Variants in PTCH2 observed in about 807,000 individuals in gnomAD.
PTCH2 encodes the protein patched 2, also known as protein patched homolog 2.
Under a neutral mutation model 117.9 loss-of-function variants are expected in PTCH2, and 96 were observed. That is an observed-to-expected ratio of 0.81 (90% confidence interval 0.69 to 0.96). The LOEUF is 0.96. PTCH2 is among the 50% of genes least tolerant of loss of function. The pLI is 0.00. For missense variants in PTCH2, 1,379 were observed against 1,562.5 expected (o/e 0.88, Z 1.98); for synonymous variants, 615 against 660.9 (o/e 0.93, Z 1.06).
Position 44,829,763 on chromosome 1 carries a change from T to C in PTCH2, c.936-2A>G. On this transcript the variant is annotated splice_acceptor_variant, in intron 7 of 21. Transcript: ENST00000372192. LOFTEE classifies it high-confidence loss of function. ...AAGGTGCTCTGCAGGGCCTCTGCCC[T>C]GGTGGGGGTGTGGGAGAACCAGGGG... 3 of 1,614,176 alleles carry C rather than the reference T, an allele frequency of 1.9e-6. No individual in the cohort carries two copies. The highest frequency in any genetic ancestry group is 2.5e-6 in the Non-Finnish European group (3 of 1,180,020).
At chr1:44,842,409 A>C (rs1427660768) in intron 1 of PTCH2, among the ~76,000 whole-genome samples, 1 of 150,612 alleles carries the variant, frequency 6.6e-6, no homozygotes, top group Non-Finnish European at 1.5e-5. Flanking sequence ...CCTCCCGAGT[A>C]GTTGGGACTA....
rs913927118 is a variant in PTCH2 at position 44,823,727 on chromosome 1, T to C, written c.3115-342A>G. Among the ~76,000 whole-genome samples the C allele has an allele frequency of 4.6e-5, 7 of 151,612 alleles. No homozygotes were observed. The highest frequency in any genetic ancestry group is 8.8e-5 in the Non-Finnish European group (6 of 67,962). ...GCTGAGGTGGGTGGATCACCTGAGG[T>C]TGGGAGTTCCAGACCAGCCTGGGAA... On this transcript the variant is annotated intron_variant, in intron 19 of 21. Transcript: ENST00000372192. This position sits in a 1 kb window ranked among gnomAD's most constrained non-coding sequence, Gnocchi z 5.1.
chr1:44,829,784 A>G (rs1653348777), intron 7 of PTCH2, 23 bp from the exon 8 acceptor site: 2 of 1,614,136 alleles, frequency 1.2e-6, no homozygotes, highest in African/African-American at 2.7e-5. Flanking sequence ...TGGGAGAACC[A>G]GGGGTCAGAG....
chr1:44,835,782 C>G (rs192351864), intron 2 of PTCH2, among the ~76,000 whole-genome samples: 2 of 152,076 alleles, frequency 1.3e-5, no homozygotes, highest in African/African-American at 2.4e-5. Flanking sequence ...GAGGTGCCCA[C>G]GAGAAGAAGT....
downstream of PTCH2, among the ~76,000 whole-genome samples, chr1:44,821,224 A>G (rs1022648175): frequency 3.3e-5 from 5 of 152,126 alleles, no homozygotes; most frequent in Non-Finnish European, 5.9e-5. Context: ...TCTGTGCTCT[A>G]TTCCAGGGCT....
intron 2 of PTCH2, among the ~76,000 whole-genome samples, chr1:44,836,598 A>G (rs1653697979): frequency 2.0e-5 from 3 of 151,962 alleles, no homozygotes; most frequent in Admixed American, 2.0e-4. Flanking sequence ...CCAGCTACTG[A>G]GGAGGCTGAG....
chr1:44,827,907 C>T lies in PTCH2; in HGVS notation c.1994G>A (p.Arg665His), dbSNP rs138588008. The T allele has an allele frequency of 1.8e-4, 287 of 1,614,184 alleles. No individual in the cohort carries two copies. In the African/African-American group the frequency reaches 2.9e-3, roughly 16 times the overall value. The change falls in exon 14 of 22, where the codon CGC becomes CAC. Residue 665 changes from arginine to histidine, a missense_variant. Arg to His is a conservative substitution (Grantham distance 29). Transcript: ENST00000372192. ...KAACKSLPCA[R>H]WNLAHFARYQ... ...GCGGGCGAAATGGGCAAGATTCCAG[C>T]GGGCACAGGGCAGGGACTTGCAGGC...
intron 21 of PTCH2, among the ~76,000 whole-genome samples, 183 bp from the exon 22 acceptor site, chr1:44,822,852 G>A (rs552504124): frequency 6.6e-6 from 1 of 152,158 alleles, no homozygotes; most frequent in Non-Finnish European, 1.5e-5. Flanking sequence ...CCTTGTTCTG[G>A]ATCCTAAAAG....
chr1:44,841,593 CA>C lies in PTCH2; in HGVS notation c.265+253del, dbSNP rs1653949481. The stretch of plus-strand genomic sequence containing the variant: ...GTCAAAGACACACATAGAAAGTTAG[CA>C]ATAAATGCTAACGTACAAAATCACA... On this transcript the variant is annotated intron_variant, in intron 2 of 21. Transcript: ENST00000372192. Among the ~76,000 whole-genome samples the C allele has an allele frequency of 2.6e-5, 4 of 152,346 alleles. No homozygotes were observed. In the South Asian group the frequency reaches 8.3e-4, roughly 32 times the overall value.
In PTCH2 at chr1:44,826,891, C is replaced by G. The variant is rs373843383; in HGVS notation, c.2695+11G>C. 96 of 1,613,822 alleles carry G rather than the reference C, an allele frequency of 5.9e-5. 1 individual carries two copies. The highest frequency in any genetic ancestry group is 5.3e-4 in the South Asian group (48 of 91,082). ...GGCTGAGGCTCTTGCCGAGCTCCCC[C>G]CAAGACTCACTGCGAAGGTTCTCCC... On this transcript the variant is annotated intron_variant, in intron 17 of 21. Transcript: ENST00000372192. The surrounding 1 kb of genome is among the most constrained non-coding windows in gnomAD (Gnocchi z 5.1).
Position 44,826,448 on chromosome 1 carries a change from A to C in PTCH2, c.2976+40T>G. The C allele has an allele frequency of 6.2e-7, 1 of 1,613,522 alleles. No individual in the cohort carries two copies. Among genetic ancestry groups the C allele is most frequent in the East Asian group, 2.2e-5 (1 of 44,880 alleles). On this transcript the variant is annotated intron_variant, in intron 18 of 21. Transcript: ENST00000372192. The surrounding 1 kb of genome is among the most constrained non-coding windows in gnomAD (Gnocchi z 5.1). ...GGAGGGATGACAGGCTGGGCAGGGAAGGGTGGGGTGTCTCTGTCCCCACTC... is the reference window on the plus strand; with the variant it reads ...GGAGGGATGACAGGCTGGGCAGGGACGGGTGGGGTGTCTCTGTCCCCACTC...
intron 1 of PTCH2, among the ~76,000 whole-genome samples, chr1:44,842,570 C>G (rs1002846332): frequency 4.1e-4 from 62 of 152,206 alleles, no homozygotes; most frequent in Non-Finnish European, 5.3e-4. Context: ...AGTCACCGCG[C>G]CCGGCCGGCA....
In PTCH2 at chr1:44,822,448, G is replaced by A; in HGVS notation, c.3579C>T (p.Leu1193=). The A allele has an allele frequency of 6.2e-7, 1 of 1,613,970 alleles. No individual in the cohort carries two copies. The highest frequency in any genetic ancestry group is 8.5e-7 in the Non-Finnish European group (1 of 1,180,024). ...WSPAATSSGN[L]SSRGPGPATG is the part of the protein sequence containing the mutation. ...TGGCTGGACCTGGTCCCCTGGAACT[G>A]AGGTTGCCAGAGCTAGTGGCAGCAG... The change falls in exon 22 of 22, where the codon CTC becomes CTT. Residue 1193 remains leucine, a synonymous_variant. Coordinates refer to ENST00000372192, the MANE Select transcript of PTCH2 (RefSeq NM_003738.5).
Position 44,843,038 on chromosome 1 carries a change from T to C in PTCH2, c.-106A>G, listed in dbSNP as rs1654024039. On this transcript the variant is annotated 5_prime_UTR_variant, in exon 1 of 22. Coordinates refer to ENST00000372192, the MANE Select transcript of PTCH2 (RefSeq NM_003738.5). ...CGCTGGGCCCCGCGTAGGGATTCAG[T>C]GGGGCCGCCAAGGCGCGGGCGTGGG... The C allele has an allele frequency of 2.8e-6, 4 of 1,428,960 alleles. No individual in the cohort carries two copies. Among genetic ancestry groups the C allele is most frequent in the Non-Finnish European group, 3.7e-6 (4 of 1,095,598 alleles). 88.5% of individuals were successfully genotyped at this position (1,428,960 alleles called of 1,614,324 possible). A position where few individuals can be genotyped will look rare whatever the true frequency, so the allele number is the denominator to read the frequency against.
rs2148876567 is a variant in PTCH2, at chr1:44,828,610, G to A, written c.1486C>T (p.Gln496Ter). The stretch of plus-strand genomic sequence containing the variant: ...AGTACGACACTGGTGCCCGTGCGCT[G>A]CAGACACTCGCCCATGCGCTCCTGC... The part of the protein sequence containing the change: ...PLQERMGECL[Q>*]RTGTSVVLTS... The change falls in exon 12 of 22, where the codon CAG becomes TAG. Residue 496 changes from glutamine to a stop codon, truncating the protein, a stop_gained. Transcript: ENST00000372192. LOFTEE classifies it high-confidence loss of function. 1 of 1,613,172 alleles carries A rather than the reference G, an allele frequency of 6.2e-7. No homozygotes were observed. Among genetic ancestry groups the A allele is most frequent in the Non-Finnish European group, 8.5e-7 (1 of 1,179,650 alleles).
At chr1:44,824,678 A>T (rs562029618) in intron 19 of PTCH2, among the ~76,000 whole-genome samples, 121 of 151,664 alleles carry the variant, frequency 8.0e-4, no homozygotes, top group African/African-American at 2.3e-3. Context: ...TTTAAAAAAA[A>T]TTTTTTTTCT....
At position 44,829,631 on chromosome 1, in the gene PTCH2, G is replaced by C. The variant is rs776189472; in HGVS notation, c.1066C>G (p.Gln356Glu). 1.9e-6 allele frequency: 3 copies of C among 1,614,218 alleles called. No homozygotes were observed. Among genetic ancestry groups the C allele is most frequent in the Non-Finnish European group, 2.5e-6 (3 of 1,180,040 alleles). ...ATACCGACCTGCACAAAGCGCCGCT[G>C]CCAGGCTTGTAGCACTGTGCTGGCC... ...EQASTVLQAWQRRFVQLAQEA... is the reference protein window; with the variant it reads ...EQASTVLQAWERRFVQLAQEA... Residue 356 changes from glutamine (Q) to glutamate (E), a missense_variant, in exon 8 of 22, where the codon CAG becomes GAG. By Grantham distance (29) the Gln-to-Glu change is conservative (BLOSUM62 2). Coordinates refer to ENST00000372192, the MANE Select transcript of PTCH2 (RefSeq NM_003738.5).
chr1:44,837,130 T>TGAATTAACC (rs1553166046), intron 2 of PTCH2, among the ~76,000 whole-genome samples: 1 of 152,244 alleles, frequency 6.6e-6, no homozygotes, highest in Non-Finnish European at 1.5e-5. Flanking sequence ...CCGAATTAAC[T>TGAATTAACC]GAATTAACCA....
intron 2 of PTCH2, among the ~76,000 whole-genome samples, chr1:44,835,746 A>C (rs1653656348): frequency 6.6e-6 from 1 of 152,190 alleles, no homozygotes; most frequent in Admixed American, 6.5e-5. Context: ...ATTTTTGTGA[A>C]TACACTATTG....
Sources: allele counts gnomAD v4.1 joint callset (sites outside exome capture counted in the v4.1 genomes callset), GRCh38; gene constraint gnomAD v4.1.1; non-coding constraint Gnocchi (gnomAD v3.1); transcripts MANE v1.5; gene names NCBI Gene and HGNC (gene_info 2026-07-23, HGNC 2026-07-21).